Variants in GAS5 observed in about 807,000 individuals in gnomAD.
The protein encoded by GAS5 is growth arrest specific 5, also known as growth arrest specific 5 (non-protein coding).
chr1:173,864,415 T>A (rs2102674750), intron 6 of GAS5: 1 of 518,964 alleles, frequency 1.9e-6, no homozygotes, highest in African/African-American at 1.9e-5. Flanking sequence ...ATCATTATAT[T>A]TCATTTGGCA....
chr1:173,867,298 T>A, upstream of GAS5: 1 of 458,192 alleles, frequency 2.2e-6, no homozygotes, highest in Non-Finnish European at 3.9e-6. Context: ...GGCTGGTGGA[T>A]CACCTGAGGT....
At position 173,866,991 on chromosome 1, in the gene GAS5, C is replaced by G. The variant is rs542303124; in HGVS notation, n.55G>C. The G allele has an allele frequency of 2.4e-5, 18 of 765,332 alleles. No individual in the cohort carries two copies. The African/African-American group carries it at 2.9e-4, about 12-fold the overall frequency. 47.4% of individuals were successfully genotyped at this position (765,332 alleles called of 1,614,324 possible). On this transcript the variant is annotated splice_region_variant and non_coding_transcript_exon_variant, in exon 1 of 8. Transcript: ENST00000651080. ...CCACCATACTTTCCCCAATTCTTAC[C>G]TGTCCATAAGGTGCTATCCAGAGCC... is the stretch of plus-strand genomic sequence containing the variant.
At chr1:173,868,086 T>G (rs1033127598), upstream of GAS5, 17 of 169,024 alleles carry the variant, frequency 1.0e-4, no homozygotes, top group Middle Eastern at 2.8e-3. Context: ...CCCCCTAACC[T>G]CCCTCAATCT....
upstream of GAS5, chr1:173,867,667 G>T (rs1557875943): frequency 1.9e-6 from 1 of 519,066 alleles, no homozygotes; most frequent in Admixed American, 1.9e-5. Context: ...GGGTGACTCG[G>T]CATGTGCCAC....
At chr1:173,867,096 A>G, upstream of GAS5, 4 of 630,304 alleles carry the variant, frequency 6.3e-6, no homozygotes, top group Non-Finnish European at 1.1e-5. Context: ...TCTTTTTTTT[A>G]AAGAGTGTTC....
In GAS5 at chr1:173,866,732, A is replaced by G. The variant is rs149632104; in HGVS notation, n.91+29T>C. 44 of 765,312 alleles carry G rather than the reference A, an allele frequency of 5.7e-5. 1 individual carries two copies. The South Asian group carries it at 5.9e-4, about 10-fold the overall frequency. 47.4% of individuals were successfully genotyped at this position (765,312 alleles called of 1,614,324 possible). ...ATTGTGGCACATCCAATGGCTTTAA[A>G]CCTTTTTGAGAGGGAATTTTCAACT... On this transcript the variant is annotated intron_variant and non_coding_transcript_variant, in intron 2 of 7. Transcript: ENST00000651080.
intron 6 of GAS5, chr1:173,865,447 C>T (rs374111737): frequency 1.2e-4 from 60 of 512,772 alleles, no homozygotes; most frequent in African/African-American, 3.5e-4. Context: ...AATCAATTAA[C>T]GTTAACATCA....
chr1:173,865,371 C>T lies in GAS5; in HGVS notation n.276+100G>A, dbSNP rs759603347. 3 of 514,776 alleles carry T rather than the reference C, an allele frequency of 5.8e-6. No homozygotes were observed. The East Asian group carries it at 1.6e-4, about 28-fold the overall frequency. The allele number at this position is 514,776 out of a possible 1,614,324, so 31.9% of individuals were successfully genotyped here. A position where few individuals can be genotyped will look rare whatever the true frequency, so the allele number is the denominator to read the frequency against. The stretch of plus-strand genomic sequence containing the variant: ...ACTACTGTTTCAGTTTAAGATTAAT[C>T]TCCATTTTCTTTCTCAGAGAGATTC... On this transcript the variant is annotated intron_variant and non_coding_transcript_variant, in intron 6 of 7. Transcript: ENST00000651080.
At chr1:173,865,289 A>C in intron 6 of GAS5, 1 of 429,946 alleles carries the variant, frequency 2.3e-6, no homozygotes, top group Non-Finnish European at 4.6e-6. Flanking sequence ...ATACCTGTAG[A>C]AATTTAATCT....
chr1:173,868,596 C>T (rs1368256098), upstream of GAS5, among the ~76,000 whole-genome samples: 1 of 152,216 alleles, frequency 6.6e-6, no homozygotes, highest in Admixed American at 6.5e-5. Context: ...CCGGACCCGC[C>T]CCCTCGCGGG....
exon 2 of GAS5, chr1:173,866,761 T>C (rs1654750588): frequency 1.3e-6 from 1 of 765,330 alleles, no homozygotes; most frequent in African/African-American, 1.7e-5. Flanking sequence ...TTCAACTTAC[T>C]TCAGTAGCTA....
upstream of GAS5, chr1:173,867,282 G>A (rs1421466874): frequency 2.0e-6 from 1 of 487,988 alleles, no homozygotes; most frequent in East Asian, 3.5e-5. Flanking sequence ...TATGTTGGGG[G>A]ACCACGGCTG....
chr1:173,866,805 CAA>C lies in GAS5; in HGVS notation n.56-11_56-10del, dbSNP rs1427679150. On this transcript the variant is annotated splice_polypyrimidine_tract_variant and intron_variant and non_coding_transcript_variant, in intron 1 of 7. Coordinates refer to ENST00000651080, the Ensembl canonical transcript of GAS5. ...CTTCCTTGGGGACACAACTAGAAAACAAAAAGATGCAAGCAAAACAGTGAGAA... is the reference window on the plus strand; with the variant it reads ...CTTCCTTGGGGACACAACTAGAAAACAAAGATGCAAGCAAAACAGTGAGAA... 3 of 764,878 alleles carry C rather than the reference CAA, an allele frequency of 3.9e-6. No homozygotes were observed. The African/African-American group carries it at 5.1e-5, about 13-fold the overall frequency. 47.4% of individuals were successfully genotyped at this position (764,878 alleles called of 1,614,324 possible).
At chr1:173,868,575 G>T (rs1655194076), upstream of GAS5, among the ~76,000 whole-genome samples, 1 of 152,120 alleles carries the variant, frequency 6.6e-6, no homozygotes, top group Admixed American at 6.5e-5. Flanking sequence ...GCCCCCGGCC[G>T]GGCTGATCTG....
intron 6 of GAS5, chr1:173,864,779 A>AGAATGGCTATATTC: frequency 3.9e-6 from 2 of 517,526 alleles, no homozygotes; most frequent in Non-Finnish European, 7.7e-6. Flanking sequence ...CAAACATTAT[A>AGAATGGCTATATTC]GAATGGCTAT....
upstream of GAS5, chr1:173,867,181 G>C: frequency 1.7e-6 from 1 of 575,728 alleles, no homozygotes. Context: ...ACAGGTAAAG[G>C]ATACACTTAA....
chr1:173,866,849 C>A, intron 1 of GAS5: 1 of 765,468 alleles, frequency 1.3e-6, no homozygotes, highest in South Asian at 1.3e-5. Flanking sequence ...TCACAGCAGT[C>A]ACGTTAAATA....
At chr1:173,865,916 A>G (rs1002617054) in intron 4 of GAS5, 1 of 519,096 alleles carries the variant, frequency 1.9e-6, no homozygotes, top group African/African-American at 1.9e-5. Context: ...GAGTGGTCTT[A>G]GAATAGCCAC....
upstream of GAS5, chr1:173,867,294 TG>T (rs1654894880): frequency 2.1e-6 from 1 of 467,858 alleles, no homozygotes; most frequent in South Asian, 2.8e-5. Context: ...CCACGGCTGG[TG>T]GATCACCTGA....
Sources: gnomAD v4.1 joint callset for allele counts (sites outside exome capture counted in the v4.1 genomes callset) on GRCh38, gnomAD v4.1.1 for gene constraint, MANE v1.5 for transcripts, NCBI Gene and HGNC (gene_info 2026-07-23, HGNC 2026-07-21) for gene names.